The following ATP9B variants were observed in gnomAD, a reference collection of about 807,000 sequenced individuals.
The protein encoded by ATP9B is ATPase phospholipid transporting 9B, also known as probable phospholipid-transporting ATPase IIB.
In ATP9B, 110 loss-of-function variants were observed where a neutral mutation model predicts 146.1. That is an observed-to-expected ratio of 0.75 (90% CI 0.65 to 0.88). ATP9B has a LOEUF of 0.88. Among genes scored for constraint, ATP9B ranks in the 40% least tolerant of loss-of-function variants. ATP9B has a pLI of 0.00. For missense variants in ATP9B, 1,499 were observed against 1,496.4 expected (o/e 1.00, Z -0.03); for synonymous variants, 604 against 569.7 (o/e 1.06, Z -0.86).
chr18:79,270,268 A>C (rs2096242151), intron 12 of ATP9B, among the ~76,000 whole-genome samples: 1 of 151,852 alleles, frequency 6.6e-6, no homozygotes, highest in South Asian at 2.1e-4. Flanking sequence ...ATTTATATTT[A>C]TATGCACACA....
chr18:79,234,961 C>CT (rs1257001024), intron 11 of ATP9B, among the ~76,000 whole-genome samples: 1 of 152,172 alleles, frequency 6.6e-6, no homozygotes, highest in Non-Finnish European at 1.5e-5. Context: ...CAACCTCCGC[C>CT]TCCTGGGTTC....
In ATP9B at chr18:79,378,172, A is replaced by G. The variant is rs3744833; in HGVS notation, c.*789A>G. 0.5 allele frequency: 76,000 copies of G among 152,168 alleles called. 19,224 individuals carry two copies. Among genetic ancestry groups the G allele is most frequent in the East Asian group, 0.7 (3,613 of 5,158 alleles). The allele number at this position is 152,168 out of a possible 1,614,324, so 9.4% of individuals were successfully genotyped here. ...CGTGTCCACATCAGCTGCAGCTCCC[A>G]CTCAGACAGACGGCCTGCCCCACAG... On this transcript the variant is annotated 3_prime_UTR_variant, in exon 30 of 30. Coordinates refer to ENST00000426216, the MANE Select transcript of ATP9B (RefSeq NM_198531.5).
intron 5 of ATP9B, among the ~76,000 whole-genome samples, chr18:79,131,214 C>T (rs555738483): frequency 1.5e-4 from 23 of 152,182 alleles, no homozygotes; most frequent in Non-Finnish European, 2.8e-4. Context: ...AATACGCTTT[C>T]GTGCATCTAA....
intron 1 of ATP9B, among the ~76,000 whole-genome samples, chr18:79,095,357 T>G (rs985174054): frequency 6.6e-6 from 1 of 152,106 alleles, no homozygotes; most frequent in Non-Finnish European, 1.5e-5. Context: ...CTTAGACTCT[T>G]TCTGGGTATA....
At chr18:79,277,017 G>C in intron 12 of ATP9B, 37 bp from the exon 13 acceptor site, 2 of 1,613,290 alleles carry the variant, frequency 1.2e-6, no homozygotes, top group Non-Finnish European at 1.7e-6. Flanking sequence ...CATGGCTCTG[G>C]ATCACACTAA....
chr18:79,336,723 C>G lies in ATP9B; in HGVS notation c.2112+12C>G, dbSNP rs2096829211. On this transcript the variant is annotated intron_variant, in intron 18 of 29. Transcript: ENST00000426216. ...ACCAGGACTTTGAGGTGAGCCGACT[C>G]CCAGCCATCCCATCCTCCTACGACG... 6.2e-7 allele frequency: 1 copy of G among 1,612,932 alleles called. No individual in the cohort carries two copies. The highest frequency in any genetic ancestry group is 8.5e-7 in the Non-Finnish European group (1 of 1,179,190).
intron 8 of ATP9B, among the ~76,000 whole-genome samples, chr18:79,192,656 T>G (rs1017547869): frequency 1.3e-5 from 2 of 151,748 alleles, no homozygotes; most frequent in Admixed American, 1.3e-4. Flanking sequence ...TGTGATTGTA[T>G]AAGTATGTGT....
chr18:79,078,796 T>A (rs1337203587), intron 1 of ATP9B, among the ~76,000 whole-genome samples: 2 of 152,122 alleles, frequency 1.3e-5, no homozygotes, highest in South Asian at 4.1e-4. Flanking sequence ...TTTCTCCTAA[T>A]GTTATCCTTC....
chr18:79,277,263 G>C lies in ATP9B; in HGVS notation c.1411+67G>C, dbSNP rs569171761. The C allele has an allele frequency of 1.0e-5, 16 of 1,567,628 alleles. No homozygotes were observed. The Admixed American group carries it at 1.2e-4, about 12-fold the overall frequency. ...GACATTTAATAAAAAATAGCATAGC[G>C]TATAGATATATGTTTATGTGTATGT... On this transcript the variant is annotated intron_variant, in intron 13 of 29. Coordinates refer to ENST00000426216, the MANE Select transcript of ATP9B (RefSeq NM_198531.5).
chr18:79,078,746 T>C (rs1440964045), intron 1 of ATP9B, among the ~76,000 whole-genome samples: 1 of 151,894 alleles, frequency 6.6e-6, no homozygotes, highest in African/African-American at 2.4e-5. Context: ...CATGCTGTGG[T>C]GGTTTGCTGC....
chr18:79,308,299 A>G (rs116476220), intron 15 of ATP9B, among the ~76,000 whole-genome samples: 1 of 152,146 alleles, frequency 6.6e-6, no homozygotes. Context: ...TTGAACATGG[A>G]ATTACCATAT....
At chr18:79,223,251 C>G (rs981893686) in intron 11 of ATP9B, among the ~76,000 whole-genome samples, 5 of 151,976 alleles carry the variant, frequency 3.3e-5, no homozygotes, top group African/African-American at 1.2e-4. Flanking sequence ...GTTTTGGAGA[C>G]TAGCTTTCTT....
At chr18:79,253,356 C>T (rs2096049023) in intron 11 of ATP9B, 25 bp from the exon 12 acceptor site, 1 of 1,593,040 alleles carries the variant, frequency 6.3e-7, no homozygotes, top group Non-Finnish European at 8.5e-7. Context: ...TTAGCTTGTT[C>T]ATGTATTATG....
chr18:79,345,966 C>A, intron 23 of ATP9B, 127 bp downstream of exon 23: 1 of 1,046,278 alleles, frequency 9.6e-7, no homozygotes, highest in Non-Finnish European at 1.5e-6. Flanking sequence ...GCTTAGCGTA[C>A]GCTCGGTCAG....
rs115359870 is a variant in ATP9B at position 79,264,710 on chromosome 18, T to A, written c.1268+11169T>A. ...ATATATATGGTGTGAAGTACAGTTT[T>A]TAAATACCATATTTCTGCAAACCAA... is the stretch of plus-strand genomic sequence containing the variant. On this transcript the variant is annotated intron_variant, in intron 12 of 29. Coordinates refer to ENST00000426216, the MANE Select transcript of ATP9B (RefSeq NM_198531.5). Among the ~76,000 whole-genome samples, 1,130 of 152,196 alleles carry A rather than the reference T, an allele frequency of 7.4e-3. 18 individuals are homozygous for A. Among genetic ancestry groups the A allele is most frequent in the African/African-American group, 0.026 (1,086 of 41,492 alleles).
At chr18:79,179,370 G>T (rs1463988816) in intron 8 of ATP9B, among the ~76,000 whole-genome samples, 1 of 151,552 alleles carries the variant, frequency 6.6e-6, no homozygotes, top group Non-Finnish European at 1.5e-5. Flanking sequence ...TTAGACCTTT[G>T]ATTTTATAAC....
At chr18:79,188,008 TC>T (rs1327880333) in intron 8 of ATP9B, among the ~76,000 whole-genome samples, 1 of 151,664 alleles carries the variant, frequency 6.6e-6, no homozygotes, top group African/African-American at 2.4e-5. Flanking sequence ...CAGGCAAGAG[TC>T]CTGTGTAGAA....
chr18:79,175,197 CAA>C (rs536122117), intron 7 of ATP9B, among the ~76,000 whole-genome samples: 4 of 57,434 alleles, frequency 7.0e-5, no homozygotes, highest in Admixed American at 2.0e-4. Context: ...GAGACTGTCT[CAA>C]AAAAAAAAAA....
At chr18:79,354,744 G>A (rs986697449) in intron 25 of ATP9B, among the ~76,000 whole-genome samples, 12 of 152,120 alleles carry the variant, frequency 7.9e-5, no homozygotes, top group African/African-American at 1.7e-4. Flanking sequence ...GGGGCGAGGC[G>A]GCAGGAGCTC....
Sources: allele counts gnomAD v4.1 joint callset (sites outside exome capture counted in the v4.1 genomes callset), GRCh38; gene constraint gnomAD v4.1.1; transcripts MANE v1.5; gene names NCBI Gene and HGNC (gene_info 2026-07-23, HGNC 2026-07-21).